PDE1B: variants seen among roughly 807,000 people sequenced by gnomAD.
The protein encoded by PDE1B is dual specificity calcium/calmodulin-dependent 3',5'-cyclic nucleotide phosphodiesterase 1B.
In PDE1B, 13 loss-of-function variants were observed where a neutral mutation model predicts 66.7. The ratio of observed to expected loss-of-function variants is 0.19; its 90% confidence interval spans 0.13 to 0.31. The LOEUF is 0.31. Ranked by LOEUF, PDE1B falls within the 10% of genes least tolerant of loss-of-function variation. PDE1B has a pLI of 1.00. For missense variants in PDE1B, 485 were observed against 682.3 expected (o/e 0.71, Z 3.22); for synonymous variants, 230 against 253.9 (o/e 0.91, Z 0.90).
At chr12:54,565,505 C>T (rs1435047916) in intron 2 of PDE1B, among the ~76,000 whole-genome samples, 1 of 152,218 alleles carries the variant, frequency 6.6e-6, no homozygotes, top group Non-Finnish European at 1.5e-5. Flanking sequence ...TTCCTCCTCC[C>T]TAATGAAGCT....
intron 2 of PDE1B, among the ~76,000 whole-genome samples, chr12:54,558,549 G>A (rs897813890): frequency 2.0e-5 from 3 of 152,202 alleles, no homozygotes; most frequent in African/African-American, 7.2e-5. Flanking sequence ...CCAGGGGAGT[G>A]GGGGAGTGGG....
chr12:54,570,391 G>A, intron 6 of PDE1B, 34 bp downstream of exon 6: 1 of 1,155,940 alleles, frequency 8.7e-7, no homozygotes, highest in South Asian at 1.2e-5. Flanking sequence ...CTCCAGGCAG[G>A]ATTCTCCACT....
In PDE1B at chr12:54,570,252, C is replaced by T. The variant is rs1957592812; in HGVS notation, c.489C>T (p.Leu163=). 1 of 1,608,190 alleles carries T rather than the reference C, an allele frequency of 6.2e-7. No homozygotes were observed. Among genetic ancestry groups the T allele is most frequent in the African/African-American group, 1.3e-5 (1 of 74,898 alleles). The change falls in exon 6 of 16, where the codon CTC becomes CTT. Residue 163 remains leucine (L), a synonymous_variant. Coordinates refer to ENST00000243052, the MANE Select transcript of PDE1B (RefSeq NM_000924.4). ...TTGTTTCTCCATAGAACCTGGATCT[C>T]TGGTGCTTTGATGTCTTTTCCTTGA... is the stretch of plus-strand genomic sequence containing the variant. ...AVLNCLKNLD[L]WCFDVFSLNQ...
intron 2 of PDE1B, among the ~76,000 whole-genome samples, chr12:54,562,309 A>G (rs535350211): frequency 1.2e-4 from 19 of 152,268 alleles, no homozygotes; most frequent in Admixed American, 9.8e-4. Flanking sequence ...TTTCCTCCCA[A>G]TGGCTGCCTA....
chr12:54,560,187 C>T (rs754140516), intron 2 of PDE1B, among the ~76,000 whole-genome samples: 5 of 152,224 alleles, frequency 3.3e-5, no homozygotes, highest in Non-Finnish European at 7.3e-5. Context: ...CCCACTTCCA[C>T]TTGTCCCAGT....
rs550706933 is a variant in PDE1B, at chr12:54,558,395, C to T, written c.113+8410C>T. Among the ~76,000 whole-genome samples the T allele has an allele frequency of 6.6e-5, 10 of 151,998 alleles. No individual in the cohort carries two copies. In the South Asian group the frequency reaches 2.1e-3, roughly 32 times the overall value. On this transcript the variant is annotated intron_variant, in intron 2 of 15. Coordinates refer to ENST00000243052, the MANE Select transcript of PDE1B (RefSeq NM_000924.4). ...TCCAGTGCTGAGGGCTCTCTCACCA[C>T]TGCTGCCATGTCAACAGTGCCTCCC...
chr12:54,573,371 G>A lies in PDE1B; in HGVS notation c.853G>A (p.Val285Met), dbSNP rs757637874. Residue 285 changes from valine (V) to methionine (M), a missense_variant, in exon 9 of 16, where the codon GTG (valine) becomes ATG (methionine). Physicochemically the swap from Val to Met is conservative, Grantham distance 21. Transcript: ENST00000243052. The surrounding 1 kb of genome is among the most constrained non-coding windows in gnomAD (Gnocchi z 5.2). The stretch of plus-strand genomic sequence containing the variant: ...GCTTTGTAGGTCAGAATGTGCCATC[G>A]TGTACAATGATCGTTCAGTGCTGGA... ...HIQTKSECAI[V>M]YNDRSVLENH... is the part of the protein sequence containing the mutation. 1.2e-5 allele frequency: 19 copies of A among 1,614,032 alleles called. No individual in the cohort carries two copies. The highest frequency in any genetic ancestry group is 6.6e-5 in the South Asian group (6 of 91,084).
intron 2 of PDE1B, among the ~76,000 whole-genome samples, chr12:54,556,751 T>C (rs539783749): frequency 2.3e-4 from 35 of 152,182 alleles, no homozygotes; most frequent in Admixed American, 7.9e-4. Flanking sequence ...GGTCAGTTGA[T>C]TCCACAGCTG....
rs74598828 is a variant in PDE1B, at chr12:54,553,022, A to G, written c.113+3037A>G. 5.3e-3 allele frequency among the ~76,000 whole-genome samples: 815 copies of G among 152,372 alleles called. 4 individuals carry two copies. Among genetic ancestry groups the G allele is most frequent in the African/African-American group, 0.017 (706 of 41,588 alleles). ...AACAACTATTTCTTGAGTGCCTTCTATGGACCAGGTGGCATGCTGGATGCT... is the reference window on the plus strand; with the variant it reads ...AACAACTATTTCTTGAGTGCCTTCTGTGGACCAGGTGGCATGCTGGATGCT... On this transcript the variant is annotated intron_variant, in intron 2 of 15. Coordinates refer to ENST00000243052, the MANE Select transcript of PDE1B (RefSeq NM_000924.4).
rs75405025 is a variant in PDE1B, at chr12:54,556,042, G to A, written c.113+6057G>A. 3.5e-3 allele frequency among the ~76,000 whole-genome samples: 529 copies of A among 152,266 alleles called. 1 individual carries two copies. Among genetic ancestry groups the A allele is most frequent in the Non-Finnish European group, 6.2e-3 (421 of 68,018 alleles). The stretch of plus-strand genomic sequence containing the variant: ...CCCCGACTCCTGTCTTCTGCAAGGC[G>A]TGTCTTTTGCCTTCTCAGTGACCTC... On this transcript the variant is annotated intron_variant, in intron 2 of 15. Transcript: ENST00000243052.
At chr12:54,570,428 CCAA>C in intron 6 of PDE1B, 71 bp downstream of exon 6, 3 of 873,962 alleles carry the variant, frequency 3.4e-6, no homozygotes, top group Non-Finnish European at 5.9e-6. Flanking sequence ...TAAAAGCCTC[CCAA>C]CAAACAGATT....
Position 54,569,321 on chromosome 12 carries a change from T to A in PDE1B, c.365T>A (p.Phe122Tyr). The change falls in exon 4 of 16, where the codon TTC (phenylalanine) becomes TAC (tyrosine). Residue 122 changes from phenylalanine to tyrosine, a missense_variant. This residue lies in a region of PDE1B where 282 missense variants were observed against 453.4 expected (regional missense o/e 0.62). Coordinates refer to ENST00000243052, the MANE Select transcript of PDE1B (RefSeq NM_000924.4). This position sits in a 1 kb window ranked among gnomAD's most constrained non-coding sequence, Gnocchi z 4.4. Reference sequence around the variant, plus strand: ...CGCCGAGCAGAGGAGAAGCCCAAGTTCCGAAGCATTGTGCACGCTGTGCAG... The same window carrying A: ...CGCCGAGCAGAGGAGAAGCCCAAGTACCGAAGCATTGTGCACGCTGTGCAG... The part of the protein sequence containing the change: ...KGRRAEEKPK[F>Y]RSIVHAVQAG... The A allele has an allele frequency of 6.2e-7, 1 of 1,613,718 alleles. No individual in the cohort carries two copies. Among genetic ancestry groups the A allele is most frequent in the Non-Finnish European group, 8.5e-7 (1 of 1,179,806 alleles).
In PDE1B at chr12:54,575,716, C is replaced by T. The variant is rs1957728594; in HGVS notation, c.1267+84C>T. 4.0e-6 allele frequency: 4 copies of T among 988,074 alleles called. No individual in the cohort carries two copies. Among genetic ancestry groups the T allele is most frequent in the African/African-American group, 3.2e-5 (2 of 63,276 alleles). 61.2% of individuals were successfully genotyped at this position (988,074 alleles called of 1,614,324 possible). Reference sequence around the variant, plus strand: ...GTCAGGATTGCTCCAAGTCCTCAATCCCCCCAAACCATTCTTCCTGTAGAG... The same window carrying T: ...GTCAGGATTGCTCCAAGTCCTCAATTCCCCCAAACCATTCTTCCTGTAGAG... On this transcript the variant is annotated intron_variant, in intron 12 of 15. Coordinates refer to ENST00000243052, the MANE Select transcript of PDE1B (RefSeq NM_000924.4). This position sits in a 1 kb window ranked among gnomAD's most constrained non-coding sequence, Gnocchi z 4.0.
At position 54,573,175 on chromosome 12, in the gene PDE1B, G is replaced by A. The variant is rs1270749793; in HGVS notation, c.763G>A (p.Ala255Thr). The change falls in exon 8 of 16, where the codon GCC becomes ACC. Residue 255 changes from alanine (A) to threonine (T), a missense_variant. Transcript: ENST00000243052. The surrounding 1 kb of genome is among the most constrained non-coding windows in gnomAD (Gnocchi z 5.2). ...CTGCCTGTCGGAGATTGAGCTCCTG[G>A]CCATCATCTTTGCTGCAGCTATCCA... ...VHCLSEIELL[A>T]IIFAAAIHDY... is the part of the protein sequence containing the mutation. 6.2e-7 allele frequency: 1 copy of A among 1,613,968 alleles called. No homozygotes were observed. The highest frequency in any genetic ancestry group is 1.7e-5 in the Admixed American group (1 of 60,010).
rs1261865960 is a variant in PDE1B, at chr12:54,575,157, C to T, written c.1124C>T (p.Thr375Ile). The T allele has an allele frequency of 6.2e-7, 1 of 1,613,368 alleles. No homozygotes were observed. Among genetic ancestry groups the T allele is most frequent in the Admixed American group, 1.7e-5 (1 of 60,008 alleles). ...LLHAADISHP[T>I]KQWLVHSRWT... is the part of the protein sequence containing the mutation. Reference sequence around the variant, plus strand: ...CATGCTGCTGACATCAGCCACCCAACCAAGCAGTGGTTGGTCCACAGCCGT... The same window carrying T: ...CATGCTGCTGACATCAGCCACCCAATCAAGCAGTGGTTGGTCCACAGCCGT... The change falls in exon 11 of 16, where the codon ACC (threonine) becomes ATC (isoleucine). Residue 375 changes from threonine to isoleucine, a missense_variant. Physicochemically the swap from Thr to Ile is moderately conservative, Grantham distance 89. Coordinates refer to ENST00000243052, the MANE Select transcript of PDE1B (RefSeq NM_000924.4). This position sits in a 1 kb window ranked among gnomAD's most constrained non-coding sequence, Gnocchi z 4.0.
intron 10 of PDE1B, chr12:54,574,023 T>C (rs368980244): frequency 5.8e-6 from 2 of 345,304 alleles, no homozygotes; most frequent in East Asian, 5.8e-5. Context: ...CTCTGGAATG[T>C]TGGAAAATTC....
chr12:54,575,797 A>G lies in PDE1B; in HGVS notation c.1267+165A>G, dbSNP rs531174462. The stretch of plus-strand genomic sequence containing the variant: ...TGGGTTAGGAGGCCAGGGGGCTGCA[A>G]TGGCAGGAAGGAGCTCTCTGGGGCA... On this transcript the variant is annotated intron_variant, in intron 12 of 15. Coordinates refer to ENST00000243052, the MANE Select transcript of PDE1B (RefSeq NM_000924.4). The surrounding 1 kb of genome is among the most constrained non-coding windows in gnomAD (Gnocchi z 4.0). The G allele has an allele frequency of 4.5e-5, 32 of 718,502 alleles. No individual in the cohort carries two copies. The African/African-American group carries it at 5.0e-4, about 11-fold the overall frequency. 44.5% of individuals were successfully genotyped at this position (718,502 alleles called of 1,614,324 possible). A position where few individuals can be genotyped will look rare whatever the true frequency, so the allele number is the denominator to read the frequency against.
chr12:54,574,032 T>C lies in PDE1B; in HGVS notation c.1064+323T>C, dbSNP rs540863122. On this transcript the variant is annotated intron_variant, in intron 10 of 15. Transcript: ENST00000243052. Reference sequence around the variant, plus strand: ...GGCTTACTCTGGAATGTTGGAAAATTCATTCAACCCTTCTGCCCCAGTTTT... The same window carrying C: ...GGCTTACTCTGGAATGTTGGAAAATCCATTCAACCCTTCTGCCCCAGTTTT... The C allele has an allele frequency of 1.1e-4, 37 of 325,824 alleles. 1 individual carries two copies. The South Asian group carries it at 1.6e-3, about 14-fold the overall frequency. 20.2% of individuals were successfully genotyped at this position (325,824 alleles called of 1,614,324 possible).
At chr12:54,559,266 C>A (rs1487868729) in intron 2 of PDE1B, among the ~76,000 whole-genome samples, 1 of 149,640 alleles carries the variant, frequency 6.7e-6, no homozygotes, top group Non-Finnish European at 1.5e-5. Flanking sequence ...CCACCCCCAC[C>A]CCTTTTCTCT....
Sources: gnomAD v4.1 joint callset for allele counts (sites outside exome capture counted in the v4.1 genomes callset) on GRCh38, gnomAD v4.1.1 for gene constraint, gnomAD v4.1.1 regional missense constraint, Gnocchi (gnomAD v3.1) non-coding constraint, MANE v1.5 for transcripts, NCBI Gene and HGNC (gene_info 2026-07-23, HGNC 2026-07-21) for gene names.